BCAS3: variants seen among roughly 807,000 people sequenced by gnomAD.
The protein encoded by BCAS3 is BCAS4/BCAS3 fusion.
In BCAS3, 53 loss-of-function variants were observed where a neutral mutation model predicts 116.1. That is an observed-to-expected ratio of 0.46 (90% CI 0.37 to 0.57). The LOEUF (loss-of-function observed/expected upper bound fraction) is 0.57. Ranked by LOEUF, BCAS3 falls within the 20% of genes least tolerant of loss-of-function variation. BCAS3 has a pLI of 0.00. For synonymous variants in BCAS3, 391 were observed against 408.2 expected, an observed-to-expected ratio of 0.96 and a Z score of 0.51; for missense variants, 917 against 1,165.4, an observed-to-expected ratio of 0.79 and a Z score of 3.10.
intron 7 of BCAS3, among the ~76,000 whole-genome samples, chr17:60,808,448 C>A: frequency 6.6e-6 from 1 of 152,136 alleles, no homozygotes. Flanking sequence ...ATTAGGTTGG[C>A]TACTAGCAGT....
intron 22 of BCAS3, among the ~76,000 whole-genome samples, chr17:61,216,843 A>ATATGTTGATTTTATGT (rs2081826020): frequency 6.6e-6 from 1 of 151,722 alleles, no homozygotes; most frequent in Admixed American, 6.6e-5. Flanking sequence ...TGCCCAGCCT[A>ATATGTTGATTTTATGT]TATGTTGATT....
chr17:61,338,990 C>T (rs1394732394), intron 22 of BCAS3, among the ~76,000 whole-genome samples: 1 of 151,254 alleles, frequency 6.6e-6, no homozygotes, highest in Non-Finnish European at 1.5e-5. Context: ...CCTCTTCATA[C>T]CCCATTTCTT....
chr17:61,265,358 C>T lies in BCAS3; in HGVS notation c.2426-102969C>T, dbSNP rs189717242. The stretch of plus-strand genomic sequence containing the variant: ...GGCAGAGGTTGCAGTGAGCCGAGAT[C>T]GCACCATTGCACTCCAGCCTGGGTA... On this transcript the variant is annotated intron_variant, in intron 22 of 23. Transcript: ENST00000407086. The surrounding 1 kb of genome is among the most constrained non-coding windows in gnomAD (Gnocchi z 4.3). Among the ~76,000 whole-genome samples, 257 of 151,468 alleles carry T rather than the reference C, an allele frequency of 1.7e-3. 3 individuals carry two copies. Among genetic ancestry groups the T allele is most frequent in the East Asian group, 2.9e-3 (15 of 5,142 alleles).
At chr17:60,875,043 T>C (rs1251002810) in intron 9 of BCAS3, among the ~76,000 whole-genome samples, 1 of 152,190 alleles carries the variant, frequency 6.6e-6, no homozygotes, top group Non-Finnish European at 1.5e-5. Context: ...TCAAAGCAGT[T>C]GTTAAATTGC....
intron 5 of BCAS3, among the ~76,000 whole-genome samples, chr17:60,730,988 G>A (rs893358357): frequency 2.6e-5 from 4 of 151,968 alleles, no homozygotes; most frequent in Non-Finnish European, 2.9e-5. Context: ...CTTCTTAACC[G>A]AATTCCTTAG....
In BCAS3 at chr17:61,139,913, T is replaced by C. The variant is rs1172875155; in HGVS notation, c.2425+55349T>C. Among the ~76,000 whole-genome samples, 1 of 152,050 alleles carries C rather than the reference T, an allele frequency of 6.6e-6. No individual in the cohort carries two copies. Among genetic ancestry groups the C allele is most frequent in the Non-Finnish European group, 1.5e-5 (1 of 68,002 alleles). On this transcript the variant is annotated intron_variant, in intron 22 of 23. Transcript: ENST00000407086. This position sits in a 1 kb window ranked among gnomAD's most constrained non-coding sequence, Gnocchi z 4.7. ...TACGTGGAATTTTGGCAGGAGAAGATTGAGGAAAGGGATACCTACTGTCAA... is the reference window on the plus strand; with the variant it reads ...TACGTGGAATTTTGGCAGGAGAAGACTGAGGAAAGGGATACCTACTGTCAA...
At chr17:60,810,735 T>C in intron 7 of BCAS3, 1 of 663,658 alleles carries the variant, frequency 1.5e-6, no homozygotes, top group South Asian at 1.4e-5. Context: ...AGGTCACTGA[T>C]GACACCAATG....
In BCAS3 at chr17:61,171,928, C is replaced by A. The variant is rs112269503; in HGVS notation, c.2425+87364C>A. 0.029 allele frequency among the ~76,000 whole-genome samples: 4,489 copies of A among 152,170 alleles called. 97 individuals carry two copies. Among genetic ancestry groups the A allele is most frequent in the Non-Finnish European group, 0.047 (3,184 of 68,014 alleles). On this transcript the variant is annotated intron_variant, in intron 22 of 23. Transcript: ENST00000407086. The surrounding 1 kb of genome is among the most constrained non-coding windows in gnomAD (Gnocchi z 4.1). ...GATTACCAGTGTGAGCCACCATACC[C>A]AGCAAACAGGAAGCTTTAAAAAGCA...
At chr17:61,001,338 G>C (rs2064223329) in intron 15 of BCAS3, among the ~76,000 whole-genome samples, 1 of 152,088 alleles carries the variant, frequency 6.6e-6, no homozygotes, top group Non-Finnish European at 1.5e-5. Flanking sequence ...TCTGTTTATA[G>C]CTTTCATTTG....
intron 4 of BCAS3, among the ~76,000 whole-genome samples, chr17:60,703,636 C>T (rs959875373): frequency 5.3e-5 from 8 of 151,712 alleles, no homozygotes; most frequent in South Asian, 2.1e-4. Context: ...CTTACCTAGC[C>T]GGGCGCGGTG....
At chr17:61,093,601 A>G (rs933908601) in intron 22 of BCAS3, among the ~76,000 whole-genome samples, 1 of 152,172 alleles carries the variant, frequency 6.6e-6, no homozygotes, top group Non-Finnish European at 1.5e-5. Flanking sequence ...ACAAAAAAAA[A>G]TTTTATTTTG....
Position 61,078,366 on chromosome 17 carries a change from C to A in BCAS3, c.2164C>A (p.Arg722Ser), listed in dbSNP as rs369101238. 1.9e-6 allele frequency: 3 copies of A among 1,614,074 alleles called. No homozygotes were observed. The highest frequency in any genetic ancestry group is 2.5e-6 in the Non-Finnish European group (3 of 1,179,950). Residue 722 changes from arginine (R) to serine (S), a missense_variant, in exon 21 of 24, where the codon CGT (arginine) becomes AGT (serine). By Grantham distance (110) the Arg-to-Ser change is moderately radical (BLOSUM62 -1). This residue lies in a region of BCAS3 where 807 missense variants were observed against 1,026.0 expected (regional missense o/e 0.79). Transcript: ENST00000407086. ...EIVTHTGPHR[R>S]LWMGPQFQFK... The stretch of plus-strand genomic sequence containing the variant: ...TGTAACACACACTGGACCCCATAGA[C>A]GTCTGTGGATGGGTCCACAGTTCCA...
chr17:60,845,999 GCTCACT>G (rs1429249818), intron 7 of BCAS3, among the ~76,000 whole-genome samples: 2 of 151,756 alleles, frequency 1.3e-5, no homozygotes, highest in African/African-American at 4.8e-5. Flanking sequence ...TGACATCTTG[GCTCACT>G]GCAGCCCCAA....
rs1465292563 is a variant in BCAS3 at position 61,196,824 on chromosome 17, A to G, written c.2425+112260A>G. On this transcript the variant is annotated intron_variant, in intron 22 of 23. Coordinates refer to ENST00000407086, the MANE Select transcript of BCAS3 (RefSeq NM_017679.5). This position sits in a 1 kb window ranked among gnomAD's most constrained non-coding sequence, Gnocchi z 4.7. ...TTAACTGCTGAAACAGAAAGCATAT[A>G]TGCTCTAAAGTATAGTTTATATATA... is the stretch of plus-strand genomic sequence containing the variant. Among the ~76,000 whole-genome samples, 1 of 152,260 alleles carries G rather than the reference A, an allele frequency of 6.6e-6. No homozygotes were observed. Among genetic ancestry groups the G allele is most frequent in the Admixed American group, 6.5e-5 (1 of 15,286 alleles).
chr17:61,317,443 G>A (rs1294261295), intron 22 of BCAS3, among the ~76,000 whole-genome samples: 1 of 152,212 alleles, frequency 6.6e-6, no homozygotes, highest in Admixed American at 6.5e-5. Flanking sequence ...CACCTGCTTT[G>A]TAGGGCTGGG....
intron 7 of BCAS3, among the ~76,000 whole-genome samples, chr17:60,821,443 T>C (rs1363535640): frequency 7.9e-5 from 12 of 152,196 alleles, no homozygotes; most frequent in Admixed American, 5.9e-4. Flanking sequence ...TGAAACTCTT[T>C]CTACAAACAA....
intron 22 of BCAS3, among the ~76,000 whole-genome samples, chr17:61,085,803 A>T (rs1390915211): frequency 1.3e-5 from 2 of 152,236 alleles, no homozygotes; most frequent in Non-Finnish European, 2.9e-5. Flanking sequence ...TCTTTTTTAT[A>T]GTCACATTCT....
chr17:60,901,591 T>C (rs1017170112), intron 10 of BCAS3, among the ~76,000 whole-genome samples: 12 of 152,214 alleles, frequency 7.9e-5, no homozygotes, highest in Non-Finnish European at 1.6e-4. Context: ...TGACTTTGCA[T>C]ATCATACTTT....
intron 22 of BCAS3, among the ~76,000 whole-genome samples, chr17:61,303,173 A>T (rs1009866215): frequency 6.6e-6 from 1 of 152,216 alleles, no homozygotes; most frequent in Admixed American, 6.5e-5. Flanking sequence ...TAATATTAGC[A>T]TGTCATCTCA....
Sources: allele counts gnomAD v4.1 joint callset (sites outside exome capture counted in the v4.1 genomes callset), GRCh38; gene constraint gnomAD v4.1.1; regional missense constraint gnomAD v4.1.1; non-coding constraint Gnocchi (gnomAD v3.1); transcripts MANE v1.5; gene names NCBI Gene and HGNC (gene_info 2026-07-23, HGNC 2026-07-21).